Variants in EPHA6 observed in about 807,000 individuals in gnomAD.
EPHA6 encodes ephrin type-A receptor 6.
EPHA6 carries 50 observed loss-of-function variants against 112.0 expected under a neutral mutation model. The observed-to-expected ratio is 0.45, with a 90% confidence interval of 0.36 to 0.56. EPHA6 has a LOEUF of 0.56. Ranked by LOEUF, EPHA6 falls within the 20% of genes least tolerant of loss-of-function variation. The pLI, the probability that EPHA6 is intolerant of heterozygous loss-of-function variation, is 0.00. For missense variants in EPHA6, 1,280 were observed against 1,417.4 expected (o/e 0.90, Z 1.56); for synonymous variants, 529 against 490.7 (o/e 1.08, Z -1.03).
rs5851060 is a variant in EPHA6 at position 97,287,470 on chromosome 3, C to CA, written c.1606+43193dup. ...GCAGAGCAAGACTCCGTCTCAAAAA[C>CA]AAAAAAAAAACAAACAAAACAAAAA... On this transcript the variant is annotated intron_variant, in intron 5 of 17. Coordinates refer to ENST00000389672, the MANE Select transcript of EPHA6 (RefSeq NM_001080448.3). Among the ~76,000 whole-genome samples, 960 of 141,512 alleles carry CA rather than the reference C, an allele frequency of 6.8e-3. 9 individuals carry two copies. The highest frequency in any genetic ancestry group is 0.011 in the Middle Eastern group (3 of 280). The allele number at this position is 141,512 out of a possible 152,430, so 92.8% of individuals were successfully genotyped here. A position where few individuals can be genotyped will look rare whatever the true frequency, so the allele number is the denominator to read the frequency against.
intron 5 of EPHA6, among the ~76,000 whole-genome samples, chr3:97,269,889 G>A (rs539921368): frequency 3.1e-4 from 47 of 152,310 alleles, no homozygotes; most frequent in African/African-American, 1.1e-3. Flanking sequence ...TGTGGTTGAA[G>A]TAATAGAAGA....
intron 5 of EPHA6, among the ~76,000 whole-genome samples, chr3:97,295,796 C>T (rs1329147186): frequency 3.9e-5 from 6 of 152,012 alleles, no homozygotes; most frequent in African/African-American, 1.4e-4. Flanking sequence ...TACACAGAGT[C>T]AGTGGTGTCC....
chr3:97,511,448 C>G (rs2092363381), intron 10 of EPHA6, among the ~76,000 whole-genome samples: 1 of 152,142 alleles, frequency 6.6e-6, no homozygotes, highest in Non-Finnish European at 1.5e-5. Context: ...TTCCTCGACC[C>G]CTTGCACTTC....
At chr3:97,402,320 G>T (rs1211052569) in intron 5 of EPHA6, among the ~76,000 whole-genome samples, 1 of 151,918 alleles carries the variant, frequency 6.6e-6, no homozygotes, top group Non-Finnish European at 1.5e-5. Context: ...TTATATATCT[G>T]GTTGCTGCAG....
intron 1 of EPHA6, among the ~76,000 whole-genome samples, chr3:96,863,120 GAATA>G (rs2036103274): frequency 1.3e-5 from 2 of 151,836 alleles, no homozygotes; most frequent in Admixed American, 1.3e-4. Flanking sequence ...TTTATGCTAT[GAATA>G]AATAATTGTA....
chr3:97,478,354 G>T (rs891419745), intron 8 of EPHA6, among the ~76,000 whole-genome samples: 15 of 152,124 alleles, frequency 9.9e-5, no homozygotes, highest in African/African-American at 3.6e-4. Context: ...TTCAATCTTT[G>T]CAGGCTAAAT....
chr3:97,693,409 GA>G (rs1423440281), intron 14 of EPHA6, among the ~76,000 whole-genome samples: 1 of 152,184 alleles, frequency 6.6e-6, no homozygotes, highest in African/African-American at 2.4e-5. Flanking sequence ...TCTTCTGAAG[GA>G]CAATTGTTTC....
chr3:97,534,666 C>A (rs73851924), intron 11 of EPHA6, among the ~76,000 whole-genome samples: 3,179 of 152,068 alleles, frequency 0.021, 78 homozygotes, highest in African/African-American at 0.064. Flanking sequence ...TGCCATAACA[C>A]CTGGTAAAGA....
intron 3 of EPHA6, among the ~76,000 whole-genome samples, chr3:97,042,989 A>G (rs1197883776): frequency 6.6e-6 from 1 of 152,154 alleles, no homozygotes; most frequent in Admixed American, 6.6e-5. Context: ...CCTTAATAAC[A>G]GAGTGGCAAA....
chr3:97,418,793 T>A (rs2088351130), intron 6 of EPHA6, among the ~76,000 whole-genome samples: 1 of 152,082 alleles, frequency 6.6e-6, no homozygotes, highest in Admixed American at 6.5e-5. Context: ...TAAAATAGTA[T>A]CTTTCAAAAG....
At chr3:97,134,021 G>C (rs943782853) in intron 3 of EPHA6, among the ~76,000 whole-genome samples, 2 of 151,994 alleles carry the variant, frequency 1.3e-5, no homozygotes, top group Admixed American at 6.6e-5. Flanking sequence ...TTTTGCCACT[G>C]TTTGTTTTCA....
chr3:97,746,731 T>C (rs896255756), intron 16 of EPHA6, among the ~76,000 whole-genome samples: 1 of 151,946 alleles, frequency 6.6e-6, no homozygotes, highest in Admixed American at 6.6e-5. Context: ...ATCCATTTTC[T>C]TGTTAACCCA....
intron 14 of EPHA6, among the ~76,000 whole-genome samples, chr3:97,664,495 A>T (rs2094192222): frequency 6.6e-6 from 1 of 152,172 alleles, no homozygotes. Flanking sequence ...AGAAAGAAAT[A>T]AAGGGTATTC....
chr3:97,393,524 G>T (rs1478619576), intron 5 of EPHA6, among the ~76,000 whole-genome samples: 2 of 151,842 alleles, frequency 1.3e-5, no homozygotes, highest in African/African-American at 4.8e-5. Context: ...ATTAAGTGCT[G>T]ACAGTGCTGT....
chr3:97,515,800 T>A (rs1315480696), intron 10 of EPHA6, among the ~76,000 whole-genome samples: 1 of 152,164 alleles, frequency 6.6e-6, no homozygotes, highest in Non-Finnish European at 1.5e-5. Context: ...AGAGGCATGC[T>A]TTAGTGGAAA....
At chr3:97,069,252 TAAG>T (rs2046279607) in intron 3 of EPHA6, among the ~76,000 whole-genome samples, 1 of 152,156 alleles carries the variant, frequency 6.6e-6, no homozygotes. Context: ...ACAATGTTAT[TAAG>T]AAAATCATAA....
chr3:97,606,399 G>A (rs1270445597), intron 12 of EPHA6, among the ~76,000 whole-genome samples: 1 of 151,294 alleles, frequency 6.6e-6, no homozygotes, highest in Non-Finnish European at 1.5e-5. Context: ...ATGGGCAGTG[G>A]CAACAGATTT....
chr3:97,085,301 C>T (rs1465526401), intron 3 of EPHA6, among the ~76,000 whole-genome samples: 1 of 152,020 alleles, frequency 6.6e-6, no homozygotes, highest in East Asian at 1.9e-4. Context: ...CTCTTCTTGC[C>T]AGCTCTCCCT....
chr3:97,580,415 A>G (rs1309713639), intron 11 of EPHA6, among the ~76,000 whole-genome samples: 6 of 152,242 alleles, frequency 3.9e-5, no homozygotes, highest in Non-Finnish European at 8.8e-5. Context: ...CCTTGGAACT[A>G]GCTCTGAAGA....
Sources: gnomAD v4.1 joint callset for allele counts (sites outside exome capture counted in the v4.1 genomes callset) on GRCh38, gnomAD v4.1.1 for gene constraint, MANE v1.5 for transcripts, NCBI Gene and HGNC (gene_info 2026-07-23, HGNC 2026-07-21) for gene names.